The following LIPI variants were observed in gnomAD, a reference collection of about 807,000 sequenced individuals.
The protein encoded by LIPI is lipase I.
LIPI carries 59 observed loss-of-function variants against 50.6 expected under a neutral mutation model. That is an observed-to-expected ratio of 1.16 (90% CI 0.94 to 1.45). The LOEUF (loss-of-function observed/expected upper bound fraction) is 1.45. Ranked by LOEUF, LIPI falls within the 40% of genes most tolerant of loss-of-function variation. LIPI has a pLI of 0.00. For missense variants in LIPI, 586 were observed against 536.3 expected (o/e 1.09, Z -0.92); for synonymous variants, 203 against 178.2 (o/e 1.14, Z -1.11).
chr21:14,184,862 C>T (rs1036647614), intron 3 of LIPI, among the ~76,000 whole-genome samples: 2 of 152,178 alleles, frequency 1.3e-5, no homozygotes, highest in Admixed American at 1.3e-4. Flanking sequence ...TTTGTTTTCA[C>T]ACATATTTGA....
chr21:14,146,863 C>T (rs1211787561), intron 8 of LIPI, among the ~76,000 whole-genome samples: 1 of 137,372 alleles, frequency 7.3e-6, no homozygotes, highest in Non-Finnish European at 1.5e-5. Context: ...ACTGAAACCT[C>T]CATCTCCCAG....
intron 4 of LIPI, among the ~76,000 whole-genome samples, chr21:14,168,261 G>A (rs1346804510): frequency 6.6e-6 from 1 of 152,210 alleles, no homozygotes; most frequent in East Asian, 1.9e-4. Flanking sequence ...AAGTGACAGG[G>A]AGAATGGAAC....
At chr21:14,111,827 A>G (rs551738317) in intron 9 of LIPI, among the ~76,000 whole-genome samples, 1 of 147,876 alleles carries the variant, frequency 6.8e-6, no homozygotes, top group Non-Finnish European at 1.5e-5. Context: ...CAGTTTTTCC[A>G]ACACCATTTA....
At chr21:14,197,209 G>C (rs1025136840) in intron 1 of LIPI, among the ~76,000 whole-genome samples, 3 of 151,018 alleles carry the variant, frequency 2.0e-5, no homozygotes, top group South Asian at 2.1e-4. Context: ...ATAACAGAAT[G>C]CTTTTTTATT....
At chr21:14,198,639 C>T (rs2019944710) in intron 1 of LIPI, among the ~76,000 whole-genome samples, 1 of 152,026 alleles carries the variant, frequency 6.6e-6, no homozygotes, top group Non-Finnish European at 1.5e-5. Flanking sequence ...CAGAGATCTT[C>T]AAAGAGACTC....
At chr21:14,200,773 T>G (rs571057943) in intron 1 of LIPI, among the ~76,000 whole-genome samples, 12 of 152,002 alleles carry the variant, frequency 7.9e-5, no homozygotes, top group African/African-American at 2.7e-4. Flanking sequence ...TATTTTAAAA[T>G]TCACATGGAA....
At chr21:14,161,717 AATATATAATATAT>A (rs1568858495) in intron 7 of LIPI, among the ~76,000 whole-genome samples, 7 of 90,382 alleles carry the variant, frequency 7.7e-5, no homozygotes, top group African/African-American at 2.9e-4. Context: ...ATTATATATT[AATATATAATATAT>A]ACATTATTAT....
rs1303293203 is a variant in LIPI, at chr21:14,165,247, TA to T, written c.876del (p.Phe292LeufsTer20). 1.2e-6 allele frequency: 2 copies of T among 1,612,102 alleles called. No homozygotes were observed. The highest frequency in any genetic ancestry group is 1.7e-6 in the Non-Finnish European group (2 of 1,178,506). ...CCCAGCCGAGGACATGATTTTTCCT[TA>T]AAACAGTCACAGTCCACACATAAGC... ...KTSLCVDCDC[F>X]KEKSCPRLGY... On this transcript the variant is annotated frameshift_variant, in exon 6 of 10. Coordinates refer to ENST00000681601, the MANE Select transcript of LIPI (RefSeq NM_001302998.2). LOFTEE classifies it high-confidence loss of function.
intron 9 of LIPI, among the ~76,000 whole-genome samples, chr21:14,136,105 G>A (rs1436529510): frequency 1.3e-5 from 2 of 152,150 alleles, no homozygotes; most frequent in Admixed American, 6.5e-5. Flanking sequence ...AAAGAACCCA[G>A]TCCTGACAGC....
chr21:14,171,605 A>G (rs2018910160), intron 4 of LIPI, among the ~76,000 whole-genome samples: 1 of 150,918 alleles, frequency 6.6e-6, no homozygotes, highest in African/African-American at 2.4e-5. Context: ...GAGAAAAACA[A>G]GAAATGGGGA....
intron 4 of LIPI, among the ~76,000 whole-genome samples, chr21:14,176,768 A>T (rs2019112738): frequency 7.0e-6 from 1 of 143,000 alleles, no homozygotes. Flanking sequence ...CATAGCTCTG[A>T]TTATATTTAT....
At chr21:14,168,140 G>C (rs997144988) in intron 4 of LIPI, among the ~76,000 whole-genome samples, 1 of 152,104 alleles carries the variant, frequency 6.6e-6, no homozygotes, top group African/African-American at 2.4e-5. Flanking sequence ...ATGAATGAAT[G>C]AAGCAAGAAG....
intron 4 of LIPI, among the ~76,000 whole-genome samples, chr21:14,180,692 C>T (rs1479795720): frequency 6.6e-6 from 1 of 152,176 alleles, no homozygotes. Context: ...ACTATGACTT[C>T]TTTGGTTTTG....
intron 9 of LIPI, among the ~76,000 whole-genome samples, chr21:14,121,011 C>T (rs1400836138): frequency 1.3e-5 from 2 of 152,198 alleles, no homozygotes; most frequent in Admixed American, 6.5e-5. Context: ...TGCTTGTAAA[C>T]TTTACCAAAC....
chr21:14,206,681 TAAC>T (rs1180648147), intron 1 of LIPI: 3 of 628,582 alleles, frequency 4.8e-6, no homozygotes, highest in African/African-American at 1.9e-5. Context: ...ACGGATTTGT[TAAC>T]AACAACAATA....
intron 9 of LIPI, among the ~76,000 whole-genome samples, chr21:14,120,260 G>A (rs1253057263): frequency 6.6e-6 from 1 of 152,166 alleles, no homozygotes. Context: ...GTCACATTAA[G>A]CTCGGTGGCC....
At chr21:14,210,347 G>A (rs959813911) in intron 1 of LIPI, among the ~76,000 whole-genome samples, 7 of 152,050 alleles carry the variant, frequency 4.6e-5, no homozygotes, top group Non-Finnish European at 8.8e-5. Flanking sequence ...AGCAAAAGTT[G>A]TAGTATCTGG....
intron 9 of LIPI, among the ~76,000 whole-genome samples, chr21:14,133,449 C>A (rs2017373068): frequency 6.6e-6 from 1 of 152,078 alleles, no homozygotes; most frequent in South Asian, 2.1e-4. Context: ...AAATTCTCAA[C>A]AAACTAGACA....
chr21:14,205,893 T>C (rs2020213051), intron 1 of LIPI, among the ~76,000 whole-genome samples: 1 of 152,124 alleles, frequency 6.6e-6, no homozygotes. Flanking sequence ...AGTAACTCTA[T>C]TGTGATTCAA....
Sources: allele counts gnomAD v4.1 joint callset (sites outside exome capture counted in the v4.1 genomes callset), GRCh38; gene constraint gnomAD v4.1.1; transcripts MANE v1.5; gene names NCBI Gene and HGNC (gene_info 2026-07-23, HGNC 2026-07-21).